The following AGAP1 variants were observed in gnomAD, a reference collection of about 807,000 sequenced individuals.
The protein encoded by AGAP1 is arf-GAP with GTPase, ANK repeat and PH domain-containing protein 1.
AGAP1 carries 29 observed loss-of-function variants against 105.3 expected under a neutral mutation model. The observed-to-expected ratio is 0.28, with a 90% CI of 0.21 to 0.38. The LOEUF (loss-of-function observed/expected upper bound fraction) is 0.38, where lower values mean the gene tolerates loss of function less well. Ranked by LOEUF, AGAP1 falls within the 10% of genes least tolerant of loss-of-function variation. The pLI is 1.00. For missense variants in AGAP1, 998 were observed against 1,165.1 expected (o/e 0.86, Z 2.09); for synonymous variants, 509 against 485.9 (o/e 1.05, Z -0.63).
chr2:236,001,434 G>A lies in AGAP1; in HGVS notation c.1645+32811G>A, dbSNP rs926301357. 1.3e-5 allele frequency among the ~76,000 whole-genome samples: 2 copies of A among 152,208 alleles called. No individual in the cohort carries two copies. The highest frequency in any genetic ancestry group is 2.9e-5 in the Non-Finnish European group (2 of 68,042). On this transcript the variant is annotated intron_variant, in intron 13 of 17. Transcript: ENST00000304032. The surrounding 1 kb of genome is among the most constrained non-coding windows in gnomAD (Gnocchi z 4.7). ...GGAAGGTGTGTGGCTACTAACGTGAGCCTGTTAACGTTGAAAATTTCCCTC... is the reference window on the plus strand; with the variant it reads ...GGAAGGTGTGTGGCTACTAACGTGAACCTGTTAACGTTGAAAATTTCCCTC...
At chr2:235,583,464 G>T (rs1945000787) in intron 1 of AGAP1, among the ~76,000 whole-genome samples, 1 of 151,748 alleles carries the variant, frequency 6.6e-6, no homozygotes, top group Admixed American at 6.6e-5. Flanking sequence ...GCCGGTGGTT[G>T]TTGGCCTGAT....
rs1951825021 is a variant in AGAP1, at chr2:235,729,463, G to T, written c.311-11500G>T. On this transcript the variant is annotated intron_variant, in intron 3 of 17. Transcript: ENST00000304032. This position sits in a 1 kb window ranked among gnomAD's most constrained non-coding sequence, Gnocchi z 5.0. ...CTTGCAGGGTCAGCTCAGCCTGAGAGCCAGTGACCCCCTCCCCCAGGAGGA... is the reference window on the plus strand; with the variant it reads ...CTTGCAGGGTCAGCTCAGCCTGAGATCCAGTGACCCCCTCCCCCAGGAGGA... Among the ~76,000 whole-genome samples, 1 of 152,128 alleles carries T rather than the reference G, an allele frequency of 6.6e-6. No homozygotes were observed. Among genetic ancestry groups the T allele is most frequent in the Non-Finnish European group, 1.5e-5 (1 of 68,044 alleles).
At chr2:235,598,719 C>A (rs1384080354) in intron 1 of AGAP1, among the ~76,000 whole-genome samples, 1 of 152,198 alleles carries the variant, frequency 6.6e-6, no homozygotes, top group African/African-American at 2.4e-5. Context: ...AGTCGTCCCT[C>A]CGGGTGCTGA....
At chr2:235,910,898 G>GAT (rs1458470468) in intron 11 of AGAP1, among the ~76,000 whole-genome samples, 1 of 55,988 alleles carries the variant, frequency 1.8e-5, no homozygotes, top group Non-Finnish European at 3.7e-5. Flanking sequence ...CTGCGCGACA[G>GAT]AGTGAGACTC....
In AGAP1 at chr2:235,728,815, C is replaced by T. The variant is rs921262571; in HGVS notation, c.310+11171C>T. On this transcript the variant is annotated intron_variant, in intron 3 of 17. Transcript: ENST00000304032. The surrounding 1 kb of genome is among the most constrained non-coding windows in gnomAD (Gnocchi z 4.3). ...CGGGGCGGGGAGGAGGGGAAGCCAG[C>T]CTGCAGCATTGCCCTCTAGACACTA... is the stretch of plus-strand genomic sequence containing the variant. Among the ~76,000 whole-genome samples the T allele has an allele frequency of 1.6e-4, 25 of 152,212 alleles. No homozygotes were observed. Among genetic ancestry groups the T allele is most frequent in the Admixed American group, 5.9e-4 (9 of 15,288 alleles).
rs539710778 is a variant in AGAP1, at chr2:235,596,542, G to C, written c.163+101693G>C. 4.6e-5 allele frequency among the ~76,000 whole-genome samples: 7 copies of C among 152,338 alleles called. No homozygotes were observed. The South Asian group carries it at 1.5e-3, about 32-fold the overall frequency. ...GTAGCACCCCGGCTGCTGGTCCCTG[G>C]TCTGGGGAAAGGCAGGCAGAGTTGG... On this transcript the variant is annotated intron_variant, in intron 1 of 17. Coordinates refer to ENST00000304032, the MANE Select transcript of AGAP1 (RefSeq NM_001037131.3). This position sits in a 1 kb window ranked among gnomAD's most constrained non-coding sequence, Gnocchi z 5.9.
chr2:235,857,942 GC>G (rs2048757763), intron 9 of AGAP1, among the ~76,000 whole-genome samples: 1 of 152,128 alleles, frequency 6.6e-6, no homozygotes, highest in South Asian at 2.1e-4. Flanking sequence ...TATACCCAGG[GC>G]TGCTTCCTGG....
intron 9 of AGAP1, among the ~76,000 whole-genome samples, chr2:235,837,763 A>AT (rs1354304034): frequency 1.3e-5 from 2 of 152,200 alleles, no homozygotes; most frequent in Non-Finnish European, 2.9e-5. Flanking sequence ...GTAACTCCAT[A>AT]TGGGAGGAGA....
intron 13 of AGAP1, among the ~76,000 whole-genome samples, chr2:235,975,663 G>T (rs1240399707): frequency 2.6e-5 from 4 of 152,154 alleles, no homozygotes; most frequent in Admixed American, 2.6e-4. Context: ...CAGTCTACAG[G>T]GGCTTTCACA....
At chr2:235,651,583 G>A (rs575068095) in intron 1 of AGAP1, among the ~76,000 whole-genome samples, 33 of 152,252 alleles carry the variant, frequency 2.2e-4, no homozygotes, top group East Asian at 9.6e-4. Flanking sequence ...TGATGTCGAC[G>A]ACGTAGACAG....
chr2:235,527,478 C>G (rs958287080), intron 1 of AGAP1, among the ~76,000 whole-genome samples: 1 of 152,144 alleles, frequency 6.6e-6, no homozygotes, highest in East Asian at 1.9e-4. Flanking sequence ...TCAGGTGATC[C>G]CCCCACCATA....
chr2:235,851,859 C>T (rs1412704940), intron 9 of AGAP1, among the ~76,000 whole-genome samples: 2 of 152,166 alleles, frequency 1.3e-5, no homozygotes, highest in East Asian at 3.9e-4. Flanking sequence ...TGCAGTACGC[C>T]AGAGGTAATT....
At chr2:235,926,539 C>G (rs1376773711) in intron 11 of AGAP1, among the ~76,000 whole-genome samples, 2 of 152,260 alleles carry the variant, frequency 1.3e-5, no homozygotes, top group Middle Eastern at 3.4e-3. Context: ...ATATTTCTGA[C>G]CCTGTGTAAT....
chr2:235,899,091 A>G (rs1032561357), intron 10 of AGAP1, among the ~76,000 whole-genome samples: 4 of 152,018 alleles, frequency 2.6e-5, no homozygotes, highest in African/African-American at 7.2e-5. Context: ...AGAAGTACTG[A>G]CCCTTTGTCA....
rs1227988792 is a variant in AGAP1 at position 236,053,219 on chromosome 2, G to C, written c.2114+3938G>C. 6.6e-6 allele frequency among the ~76,000 whole-genome samples: 1 copy of C among 152,234 alleles called. No homozygotes were observed. The highest frequency in any genetic ancestry group is 2.4e-5 in the African/African-American group (1 of 41,460). ...AAAGGCAAGAGTAATAAGCTCAGAG[G>C]TGAAGATGTTAAAACAGTCGTGCGA... On this transcript the variant is annotated intron_variant, in intron 16 of 17. Coordinates refer to ENST00000304032, the MANE Select transcript of AGAP1 (RefSeq NM_001037131.3). This position sits in a 1 kb window ranked among gnomAD's most constrained non-coding sequence, Gnocchi z 4.6.
chr2:235,769,891 T>C lies in AGAP1; in HGVS notation c.673+19403T>C, dbSNP rs1038016069. On this transcript the variant is annotated intron_variant, in intron 6 of 17. Transcript: ENST00000304032. The surrounding 1 kb of genome is among the most constrained non-coding windows in gnomAD (Gnocchi z 4.4). ...AGCATCCAGTCCTTTCCAAGGACTT[T>C]GGTTTTCCAGAGTTACACTTCACAT... Among the ~76,000 whole-genome samples the C allele has an allele frequency of 4.6e-5, 7 of 152,094 alleles. No homozygotes were observed. Among genetic ancestry groups the C allele is most frequent in the African/African-American group, 1.7e-4 (7 of 41,380 alleles).
chr2:236,020,379 G>A lies in AGAP1; in HGVS notation c.1646-16182G>A, dbSNP rs1025074725. On this transcript the variant is annotated intron_variant, in intron 13 of 17. Transcript: ENST00000304032. This position sits in a 1 kb window ranked among gnomAD's most constrained non-coding sequence, Gnocchi z 5.0. ...CGTGTTGCCCATGAAGCATAGGGGGGAATTTAGAAATGAAACTTAACCTGT... is the reference window on the plus strand; with the variant it reads ...CGTGTTGCCCATGAAGCATAGGGGGAAATTTAGAAATGAAACTTAACCTGT... 2.0e-5 allele frequency among the ~76,000 whole-genome samples: 3 copies of A among 152,192 alleles called. No individual in the cohort carries two copies. Among genetic ancestry groups the A allele is most frequent in the Admixed American group, 6.5e-5 (1 of 15,274 alleles).
rs1410805600 is a variant in AGAP1 at position 235,734,270 on chromosome 2, C to T, written c.311-6693C>T. ...GTTTTTCCTGGAAGAGAATCCCAAA[C>T]GTGTGGCCGAAAGGGACCCAGGACC... is the stretch of plus-strand genomic sequence containing the variant. On this transcript the variant is annotated intron_variant, in intron 3 of 17. Coordinates refer to ENST00000304032, the MANE Select transcript of AGAP1 (RefSeq NM_001037131.3). This position sits in a 1 kb window ranked among gnomAD's most constrained non-coding sequence, Gnocchi z 5.3. 6.6e-6 allele frequency among the ~76,000 whole-genome samples: 1 copy of T among 152,138 alleles called. No individual in the cohort carries two copies. The highest frequency in any genetic ancestry group is 6.5e-5 in the Admixed American group (1 of 15,276).
Position 236,121,957 on chromosome 2 carries a change from C to A in AGAP1, c.2370+1510C>A, listed in dbSNP as rs191453692. ...CTGGTAGCTCTCTCCTTTCCCCCCA[C>A]CCCCTTCTTTTTGGGACAAAGTCTT... On this transcript the variant is annotated intron_variant, in intron 17 of 17. Transcript: ENST00000304032. This position sits in a 1 kb window ranked among gnomAD's most constrained non-coding sequence, Gnocchi z 4.9. 2.0e-5 allele frequency among the ~76,000 whole-genome samples: 3 copies of A among 149,960 alleles called. No individual in the cohort carries two copies. Among genetic ancestry groups the A allele is most frequent in the Admixed American group, 6.7e-5 (1 of 15,014 alleles).
Sources: allele counts gnomAD v4.1 joint callset (sites outside exome capture counted in the v4.1 genomes callset), GRCh38; gene constraint gnomAD v4.1.1; non-coding constraint Gnocchi (gnomAD v3.1); transcripts MANE v1.5; gene names NCBI Gene and HGNC (gene_info 2026-07-23, HGNC 2026-07-21).